VEPH1: variants seen among roughly 807,000 people sequenced by gnomAD.
The protein encoded by VEPH1 is ventricular zone-expressed PH domain-containing protein homolog 1.
VEPH1 carries 80 observed loss-of-function variants against 85.2 expected under a neutral mutation model. That is an observed-to-expected ratio of 0.94 (90% CI 0.78 to 1.13). The LOEUF (loss-of-function observed/expected upper bound fraction) is 1.13, where lower values mean the gene tolerates loss of function less well. VEPH1 is among the 50% of genes most tolerant of loss of function. The pLI is 0.00. For missense variants in VEPH1, 955 were observed against 980.5 expected (o/e 0.97, Z 0.35); for synonymous variants, 297 against 348.0 (o/e 0.85, Z 1.63).
intron 6 of VEPH1, among the ~76,000 whole-genome samples, chr3:157,402,476 G>A (rs1730855047): frequency 1.3e-5 from 2 of 152,144 alleles, no homozygotes; most frequent in South Asian, 2.1e-4. Context: ...GAGCTGGAGA[G>A]AATGTAGACA....
chr3:157,486,999 T>C (rs6779693), intron 2 of VEPH1, among the ~76,000 whole-genome samples: 48,550 of 151,926 alleles, frequency 0.32, 7,916 homozygotes, highest in East Asian at 0.4. Context: ...TCAAAACTTG[T>C]AGAATGATAC....
At chr3:157,413,172 C>T (rs1240617534) in intron 6 of VEPH1, among the ~76,000 whole-genome samples, 1 of 152,014 alleles carries the variant, frequency 6.6e-6, no homozygotes, top group African/African-American at 2.4e-5. Context: ...AATCCTAAAT[C>T]CCAACATGAA....
At chr3:157,436,889 G>T (rs1336297687) in intron 4 of VEPH1, 3 of 1,601,464 alleles carry the variant, frequency 1.9e-6, no homozygotes. Context: ...TCACTTGAGA[G>T]TCTCCTCCCG....
intron 9 of VEPH1, among the ~76,000 whole-genome samples, chr3:157,342,854 G>A (rs1033966546): frequency 3.9e-5 from 6 of 152,152 alleles, no homozygotes; most frequent in Admixed American, 2.6e-4. Flanking sequence ...AATCAAACTG[G>A]AACTCAGGAT....
intron 9 of VEPH1, among the ~76,000 whole-genome samples, chr3:157,321,843 T>TA (rs1203184758): frequency 6.6e-6 from 1 of 152,198 alleles, no homozygotes; most frequent in Admixed American, 6.5e-5. Flanking sequence ...TTAATTTGCT[T>TA]ATTAACTTTC....
chr3:157,460,423 T>C (rs1735762739), intron 3 of VEPH1, 68 bp from the exon 4 acceptor site: 1 of 1,528,234 alleles, frequency 6.5e-7, no homozygotes, highest in African/African-American at 1.4e-5. Context: ...CATTCACTCA[T>C]TCAAAAAATA....
chr3:157,324,362 A>T (rs1351085001), intron 9 of VEPH1, among the ~76,000 whole-genome samples: 4 of 152,038 alleles, frequency 2.6e-5, no homozygotes, highest in African/African-American at 9.7e-5. Context: ...CCATATTTTT[A>T]AGTTCAGGGG....
chr3:157,414,220 C>A (rs1731732081), intron 5 of VEPH1, 130 bp from the exon 6 acceptor site: 2 of 649,816 alleles, frequency 3.1e-6, no homozygotes, highest in Admixed American at 2.7e-5. Flanking sequence ...GGGATTATTA[C>A]CCTCCTTGGT....
intron 11 of VEPH1, among the ~76,000 whole-genome samples, chr3:157,293,129 T>G (rs537281837): frequency 6.6e-6 from 1 of 152,232 alleles, no homozygotes; most frequent in East Asian, 1.9e-4. Flanking sequence ...AGATCAGGTG[T>G]GAAAATTGAA....
intron 9 of VEPH1, among the ~76,000 whole-genome samples, chr3:157,318,438 T>C (rs956033000): frequency 1.3e-5 from 2 of 151,734 alleles, no homozygotes; most frequent in Admixed American, 1.3e-4. Context: ...TGAAACCCCT[T>C]CTCTACAAAA....
At chr3:157,369,979 G>A (rs1368202126) in intron 7 of VEPH1, among the ~76,000 whole-genome samples, 1 of 152,096 alleles carries the variant, frequency 6.6e-6, no homozygotes, top group African/African-American at 2.4e-5. Flanking sequence ...TTTTCCATTT[G>A]TCACTTTTGA....
At chr3:157,325,956 A>T (rs1721856272) in intron 9 of VEPH1, among the ~76,000 whole-genome samples, 2 of 152,182 alleles carry the variant, frequency 1.3e-5, no homozygotes. Flanking sequence ...GATTTTTCCT[A>T]TCCATGACCA....
intron 13 of VEPH1, among the ~76,000 whole-genome samples, chr3:157,264,328 C>G (rs966066297): frequency 6.6e-6 from 1 of 152,136 alleles, no homozygotes; most frequent in Non-Finnish European, 1.5e-5. Context: ...ATTTTCTGGC[C>G]TTAGGACACA....
At chr3:157,427,594 T>G (rs1432998471) in intron 5 of VEPH1, among the ~76,000 whole-genome samples, 1 of 152,184 alleles carries the variant, frequency 6.6e-6, no homozygotes, top group Non-Finnish European at 1.5e-5. Flanking sequence ...TCGCTGGGAC[T>G]ACAGGTGCCT....
intron 13 of VEPH1, among the ~76,000 whole-genome samples, chr3:157,262,986 C>G (rs1713118914): frequency 6.6e-6 from 1 of 152,178 alleles, no homozygotes; most frequent in Non-Finnish European, 1.5e-5. Context: ...AGTGAATCAA[C>G]TGAGACAGGA....
chr3:157,365,563 A>G (rs183270405), intron 7 of VEPH1, among the ~76,000 whole-genome samples: 1 of 152,230 alleles, frequency 6.6e-6, no homozygotes, highest in East Asian at 1.9e-4. Flanking sequence ...CCCAGTTCAG[A>G]TGCCAGTGAG....
At chr3:157,404,866 G>A (rs758772054) in intron 6 of VEPH1, among the ~76,000 whole-genome samples, 6 of 152,166 alleles carry the variant, frequency 3.9e-5, no homozygotes, top group Non-Finnish European at 8.8e-5. Flanking sequence ...TAAAAGAGCA[G>A]CAGGAGTTGA....
chr3:157,353,497 G>C (rs762120105), intron 9 of VEPH1, among the ~76,000 whole-genome samples: 1 of 152,046 alleles, frequency 6.6e-6, no homozygotes, highest in African/African-American at 2.4e-5. Context: ...GAAGTCCTGA[G>C]CTCAGGCGAT....
intron 7 of VEPH1, among the ~76,000 whole-genome samples, chr3:157,372,651 C>G (rs949717899): frequency 4.6e-5 from 7 of 152,286 alleles, no homozygotes; most frequent in East Asian, 1.9e-4. Flanking sequence ...CAGACTTAGT[C>G]TGGGTCCAGC....
Sources: allele counts gnomAD v4.1 joint callset (sites outside exome capture counted in the v4.1 genomes callset), GRCh38; gene constraint gnomAD v4.1.1; transcripts MANE v1.5; gene names NCBI Gene and HGNC (gene_info 2026-07-23, HGNC 2026-07-21).